PDS5B: variants seen among roughly 807,000 people sequenced by gnomAD.
PDS5B encodes PDS5 cohesin associated factor B.
A neutral mutation model predicts 184.1 loss-of-function variants in PDS5B; 51 were observed. That is an observed-to-expected ratio of 0.28 (90% confidence interval 0.22 to 0.35). The LOEUF (loss-of-function observed/expected upper bound fraction) is 0.35. Among genes scored for constraint, PDS5B ranks in the 10% least tolerant of loss-of-function variants. PDS5B has a pLI of 1.00. For synonymous variants in PDS5B, 566 were observed against 569.2 expected (o/e 0.99, Z 0.08); for missense variants, 1,180 against 1,723.3 (o/e 0.68, Z 5.58).
At chr13:32,694,007 C>T (rs1483007255) in intron 13 of PDS5B, among the ~76,000 whole-genome samples, 1 of 151,752 alleles carries the variant, frequency 6.6e-6, no homozygotes. Flanking sequence ...TTAATTCCTA[C>T]CCTAATTCGA....
At chr13:32,602,441 A>G (rs1364031712) in intron 1 of PDS5B, among the ~76,000 whole-genome samples, 2 of 152,122 alleles carry the variant, frequency 1.3e-5, no homozygotes, top group South Asian at 2.1e-4. Context: ...CCTTTTTTAT[A>G]GCTACATAGT....
intron 3 of PDS5B, among the ~76,000 whole-genome samples, chr13:32,654,029 A>G (rs977394700): frequency 1.3e-5 from 2 of 152,198 alleles, no homozygotes; most frequent in Non-Finnish European, 2.9e-5. Context: ...AAGACTGTAA[A>G]AGAGCTGAAA....
intron 24 of PDS5B, among the ~76,000 whole-genome samples, chr13:32,751,734 TTA>T (rs1491447585): frequency 6.6e-6 from 1 of 152,232 alleles, no homozygotes; most frequent in East Asian, 1.9e-4. Context: ...TTTAAGTTTC[TTA>T]GAGATTCTGG....
chr13:32,603,717 TC>T (rs1435749009), intron 1 of PDS5B, among the ~76,000 whole-genome samples: 1 of 152,156 alleles, frequency 6.6e-6, no homozygotes, highest in African/African-American at 2.4e-5. Context: ...ATTGATTCTT[TC>T]TATCCATGAG....
intron 3 of PDS5B, among the ~76,000 whole-genome samples, chr13:32,655,368 A>ATTTTTTTTTTTT (rs368287046): frequency 3.7e-5 from 1 of 27,192 alleles, no homozygotes; most frequent in African/African-American, 1.7e-4. Context: ...CCATATATAT[A>ATTTTTTTTTTTT]TATATATTTT....
In PDS5B at chr13:32,699,078, G is replaced by T. The variant is rs543090923; in HGVS notation, c.1601-652G>T. ...ATGCTATATTCTAGTCTGGCTCTCTGCAACAGTTAAGAAGCCAGGCAAAAA... is the reference window on the plus strand; with the variant it reads ...ATGCTATATTCTAGTCTGGCTCTCTTCAACAGTTAAGAAGCCAGGCAAAAA... On this transcript the variant is annotated intron_variant, in intron 15 of 34. Transcript: ENST00000315596. Among the ~76,000 whole-genome samples, 9 of 152,236 alleles carry T rather than the reference G, an allele frequency of 5.9e-5. No individual in the cohort carries two copies. In the East Asian group the frequency reaches 1.7e-3, roughly 29 times the overall value.
chr13:32,733,978 A>G (rs1324809013), intron 20 of PDS5B, among the ~76,000 whole-genome samples: 1 of 139,524 alleles, frequency 7.2e-6, no homozygotes, highest in Non-Finnish European at 1.6e-5. Context: ...CTGATTTCAA[A>G]AATTAAAACA....
At chr13:32,733,215 G>A (rs1753435676) in intron 20 of PDS5B, among the ~76,000 whole-genome samples, 1 of 152,112 alleles carries the variant, frequency 6.6e-6, no homozygotes. Flanking sequence ...GAATTTCAGA[G>A]TAGTTCTTTC....
intron 1 of PDS5B, among the ~76,000 whole-genome samples, chr13:32,647,874 C>A (rs1362273578): frequency 6.6e-6 from 1 of 152,104 alleles, no homozygotes; most frequent in African/African-American, 2.4e-5. Context: ...GCTCATTGTT[C>A]TAGAAACATC....
At position 32,775,502 on chromosome 13, in the gene PDS5B, T is replaced by G. The variant is rs1419694407; in HGVS notation, c.*450T>G. 2.9e-6 allele frequency: 1 copy of G among 349,604 alleles called. No individual in the cohort carries two copies. The highest frequency in any genetic ancestry group is 5.6e-6 in the Non-Finnish European group (1 of 177,878). 21.7% of individuals were successfully genotyped at this position (349,604 alleles called of 1,614,324 possible). On this transcript the variant is annotated 3_prime_UTR_variant, in exon 35 of 35. Coordinates refer to ENST00000315596, the MANE Select transcript of PDS5B (RefSeq NM_015032.4). ...CTGCAATTTTACTGTGAAAAAAAAT[T>G]TGTTTTCAACAATTGGTGTCATTTT...
intron 23 of PDS5B, 152 bp downstream of exon 23, chr13:32,742,879 A>G: frequency 1.4e-6 from 1 of 708,926 alleles, no homozygotes; most frequent in South Asian, 1.8e-5. Flanking sequence ...GCTTTTGTAC[A>G]GTGGTTATTT....
intron 1 of PDS5B, among the ~76,000 whole-genome samples, chr13:32,638,242 A>G (rs1383543979): frequency 2.6e-5 from 4 of 152,194 alleles, no homozygotes; most frequent in African/African-American, 4.8e-5. Flanking sequence ...CCATTGCCTA[A>G]AAGAGTCATA....
In PDS5B at chr13:32,745,999, A is replaced by C; in HGVS notation, c.2635A>C (p.Arg879=). The change falls in exon 24 of 35, where the codon AGA becomes CGA. Residue 879 remains arginine, a synonymous_variant. Transcript: ENST00000315596. ...CAGTAAACCAGATATGTCACGTCTG[A>C]GACTTGCTGCTGGGAGTGCTATTGT... is the stretch of plus-strand genomic sequence containing the variant. The part of the protein sequence containing the change: ...KISKPDMSRL[R]LAAGSAIVKL... The C allele has an allele frequency of 6.2e-7, 1 of 1,612,636 alleles. No homozygotes were observed. The highest frequency in any genetic ancestry group is 8.5e-7 in the Non-Finnish European group (1 of 1,178,692).
At chr13:32,601,377 A>C (rs943610238) in intron 1 of PDS5B, among the ~76,000 whole-genome samples, 1 of 152,242 alleles carries the variant, frequency 6.6e-6, no homozygotes, top group African/African-American at 2.4e-5. Flanking sequence ...TTTTAGAATA[A>C]GATAGAAACT....
At chr13:32,636,253 T>C (rs1248652694) in intron 1 of PDS5B, among the ~76,000 whole-genome samples, 3 of 152,248 alleles carry the variant, frequency 2.0e-5, no homozygotes, top group African/African-American at 7.2e-5. Flanking sequence ...TTTATAGAAT[T>C]TTGAAGGAAA....
At chr13:32,715,007 G>A (rs4057296) in intron 19 of PDS5B, among the ~76,000 whole-genome samples, 58,218 of 152,018 alleles carry the variant, frequency 0.38, 11,617 homozygotes, top group Non-Finnish European at 0.44. Context: ...AATTACAAGA[G>A]TATTAATTTG....
rs1311409667 is a variant in PDS5B at position 32,776,623 on chromosome 13, T to C, written c.*1571T>C. On this transcript the variant is annotated 3_prime_UTR_variant, in exon 35 of 35. Transcript: ENST00000315596. ...GGGGAAAAAATCATATTCTAACTTATTAAATTTATCACATTGAATAGTGGA... is the reference window on the plus strand; with the variant it reads ...GGGGAAAAAATCATATTCTAACTTACTAAATTTATCACATTGAATAGTGGA... 4 of 152,306 alleles carry C rather than the reference T, an allele frequency of 2.6e-5. No homozygotes were observed. The highest frequency in any genetic ancestry group is 4.4e-5 in the Non-Finnish European group (3 of 67,928). The allele number at this position is 152,306 out of a possible 1,614,324, so 9.4% of individuals were successfully genotyped here.
rs568422594 is a variant in PDS5B, at chr13:32,587,716, C to G, written c.-20+1123C>G. ...CACGCGCGTCTTCAACAGCCTCTCT[C>G]CCCCAGCGAGGGTTAACCCTTTTTT... is the stretch of plus-strand genomic sequence containing the variant. On this transcript the variant is annotated intron_variant, in intron 1 of 34. Transcript: ENST00000315596. Among the ~76,000 whole-genome samples the G allele has an allele frequency of 4.5e-4, 68 of 152,332 alleles. No individual in the cohort carries two copies. The South Asian group carries it at 0.013, about 30-fold the overall frequency.
Position 32,775,273 on chromosome 13 carries a change from C to A in PDS5B, c.*221C>A, listed in dbSNP as rs944014066. 11 of 546,966 alleles carry A rather than the reference C, an allele frequency of 2.0e-5. No homozygotes were observed. In the East Asian group the frequency reaches 3.3e-4, roughly 16 times the overall value. The allele number at this position is 546,966 out of a possible 1,614,324, so 33.9% of individuals were successfully genotyped here. ...TGGAGTCTTGTGAAAGTGTAATGTG[C>A]GATGGCTATGTAGACATAAAGAAGA... On this transcript the variant is annotated 3_prime_UTR_variant, in exon 35 of 35. Transcript: ENST00000315596.
Sources: gnomAD v4.1 joint callset for allele counts (sites outside exome capture counted in the v4.1 genomes callset) on GRCh38, gnomAD v4.1.1 for gene constraint, MANE v1.5 for transcripts, NCBI Gene and HGNC (gene_info 2026-07-23, HGNC 2026-07-21) for gene names.